The following FAM169A variants were observed in gnomAD, a reference collection of about 807,000 sequenced individuals.
FAM169A encodes the protein family with sequence similarity 169 member A.
FAM169A carries 24 observed loss-of-function variants against 75.7 expected under a neutral mutation model. The observed-to-expected ratio is 0.32, with a 90% CI of 0.23 to 0.45. The LOEUF is 0.45. FAM169A is among the 20% of genes least tolerant of loss of function. The pLI is 1.00. For missense variants in FAM169A, 673 were observed against 784.0 expected, an observed-to-expected ratio of 0.86 and a Z score of 1.69; for synonymous variants, 271 against 271.0, an observed-to-expected ratio of 1.00 and a Z score of 0.00.
chr5:74,794,914 A>C (rs1746189458), intron 11 of FAM169A, among the ~76,000 whole-genome samples: 1 of 152,158 alleles, frequency 6.6e-6, no homozygotes, highest in South Asian at 2.1e-4. Flanking sequence ...GACATAACAT[A>C]TGTCATTTCA....
chr5:74,842,456 A>G (rs1451765518), intron 1 of FAM169A, among the ~76,000 whole-genome samples: 130 of 126,244 alleles, frequency 1.0e-3, no homozygotes, highest in African/African-American at 3.8e-3. Flanking sequence ...AAAAAAAAAA[A>G]TCACTGAATT....
At chr5:74,833,905 C>A (rs1474016839) in intron 5 of FAM169A, among the ~76,000 whole-genome samples, 2 of 152,086 alleles carry the variant, frequency 1.3e-5, no homozygotes, top group Non-Finnish European at 2.9e-5. Context: ...GATCAGAAAC[C>A]CAAACTTTAG....
At position 74,781,330 on chromosome 5, in the gene FAM169A, T is replaced by A; in HGVS notation, c.*130A>T. ...TTCTAAAGGGAAGCAAAAAACTGCATAGTAAGTAAGTTCAAATTGAAATTT... is the reference window on the plus strand; with the variant it reads ...TTCTAAAGGGAAGCAAAAAACTGCAAAGTAAGTAAGTTCAAATTGAAATTT... On this transcript the variant is annotated 3_prime_UTR_variant, in exon 13 of 13. Transcript: ENST00000687041. 1.3e-6 allele frequency: 1 copy of A among 778,884 alleles called. No individual in the cohort carries two copies. Among genetic ancestry groups the A allele is most frequent in the East Asian group, 2.5e-5 (1 of 40,158 alleles). The allele number at this position is 778,884 out of a possible 1,614,324, so 48.2% of individuals were successfully genotyped here. A position where few individuals can be genotyped will look rare whatever the true frequency, so the allele number is the denominator to read the frequency against.
upstream of FAM169A, chr5:74,866,835 C>T: frequency 7.1e-6 from 7 of 985,582 alleles, no homozygotes; most frequent in Non-Finnish European, 8.4e-6. Context: ...GTGGGCGCGG[C>T]CATCCCGGCC....
chr5:74,803,450 C>T (rs1305561325), intron 8 of FAM169A, among the ~76,000 whole-genome samples: 1 of 152,126 alleles, frequency 6.6e-6, no homozygotes, highest in African/African-American at 2.4e-5. Context: ...ATAGTCAACT[C>T]TCATGCTAAT....
At chr5:74,815,180 A>AT (rs1455896917) in intron 5 of FAM169A, among the ~76,000 whole-genome samples, 3 of 142,238 alleles carry the variant, frequency 2.1e-5, no homozygotes, top group South Asian at 4.4e-4. Context: ...AGATATTTTT[A>AT]TTTTTTTTCT....
At chr5:74,797,148 C>T (rs182524094) in intron 10 of FAM169A, among the ~76,000 whole-genome samples, 43 of 152,160 alleles carry the variant, frequency 2.8e-4, no homozygotes, top group African/African-American at 1.0e-3. Context: ...ATAAAGTGTA[C>T]CTTCTTTGAA....
chr5:74,789,897 G>A (rs1745887810), intron 11 of FAM169A, among the ~76,000 whole-genome samples: 1 of 152,198 alleles, frequency 6.6e-6, no homozygotes, highest in Non-Finnish European at 1.5e-5. Flanking sequence ...GCCTGTTACT[G>A]GGCTTTGGTA....
chr5:74,792,608 T>TA (rs1439547710), intron 11 of FAM169A, among the ~76,000 whole-genome samples: 1 of 152,164 alleles, frequency 6.6e-6, no homozygotes, highest in Non-Finnish European at 1.5e-5. Flanking sequence ...AACCCCTTAA[T>TA]AAACTCCCCT....
intron 5 of FAM169A, among the ~76,000 whole-genome samples, chr5:74,816,049 T>C (rs1747452495): frequency 6.6e-6 from 1 of 152,220 alleles, no homozygotes; most frequent in Non-Finnish European, 1.5e-5. Context: ...CCCTGAATTC[T>C]TTCTTGTGCA....
chr5:74,866,255 C>G lies in FAM169A; in HGVS notation c.-94G>C, dbSNP rs989946459. On this transcript the variant is annotated 5_prime_UTR_variant, in exon 1 of 13. Coordinates refer to ENST00000687041, the MANE Select transcript of FAM169A (RefSeq NM_001376049.1). ...GAGCCGGCGGCTGCTCGCTGGCGAC[C>G]TCCGGCCGGTCCCAGGCCGCACAGC... 1 of 983,826 alleles carries G rather than the reference C, an allele frequency of 1.0e-6. No individual in the cohort carries two copies. The highest frequency in any genetic ancestry group is 1.2e-6 in the Non-Finnish European group (1 of 829,246). The allele number at this position is 983,826 out of a possible 1,614,324, so 60.9% of individuals were successfully genotyped here. A position where few individuals can be genotyped will look rare whatever the true frequency, so the allele number is the denominator to read the frequency against.
rs547559872 is a variant in FAM169A, at chr5:74,859,478, C to T, written c.-4+6687G>A. On this transcript the variant is annotated intron_variant, in intron 1 of 12. Coordinates refer to ENST00000687041, the MANE Select transcript of FAM169A (RefSeq NM_001376049.1). ...CTAATTTTTGTATTTTTAGTAGAGA[C>T]GGGATTTCACCATGTTGGTCAGGCT... 2.6e-5 allele frequency among the ~76,000 whole-genome samples: 4 copies of T among 151,684 alleles called. No homozygotes were observed. In the South Asian group the frequency reaches 6.2e-4, roughly 24 times the overall value.
At chr5:74,795,597 A>T (rs890971748) in intron 11 of FAM169A, among the ~76,000 whole-genome samples, 13 of 152,054 alleles carry the variant, frequency 8.5e-5, no homozygotes, top group Non-Finnish European at 1.5e-4. Flanking sequence ...CAGTCATCAA[A>T]TTTTTTTTCT....
intron 1 of FAM169A, among the ~76,000 whole-genome samples, chr5:74,854,736 C>G (rs1163818340): frequency 6.6e-6 from 1 of 152,192 alleles, no homozygotes; most frequent in Non-Finnish European, 1.5e-5. Flanking sequence ...GCTTATTTTA[C>G]TTAACATAAT....
intron 1 of FAM169A, among the ~76,000 whole-genome samples, chr5:74,850,260 G>T (rs7728889): frequency 6.6e-6 from 1 of 152,056 alleles, no homozygotes; most frequent in Non-Finnish European, 1.5e-5. Flanking sequence ...CCCGGCAGTC[G>T]GACTCCGATG....
intron 1 of FAM169A, among the ~76,000 whole-genome samples, chr5:74,864,161 A>G (rs1468289511): frequency 6.6e-6 from 1 of 152,246 alleles, no homozygotes; most frequent in Non-Finnish European, 1.5e-5. Flanking sequence ...TTAATTTAAT[A>G]AGGAGGATGG....
intron 1 of FAM169A, among the ~76,000 whole-genome samples, chr5:74,842,413 T>A (rs1748917825): frequency 1.6e-5 from 1 of 62,010 alleles, no homozygotes; most frequent in Non-Finnish European, 2.8e-5. Context: ...AGAGTGAGAC[T>A]CTATCACAAA....
At chr5:74,803,224 C>T (rs550275280) in intron 8 of FAM169A, among the ~76,000 whole-genome samples, 2 of 152,144 alleles carry the variant, frequency 1.3e-5, no homozygotes, top group East Asian at 1.9e-4. Context: ...TCATTGCTCT[C>T]GTTACATTTA....
chr5:74,815,310 C>T (rs1281281723), intron 5 of FAM169A, among the ~76,000 whole-genome samples: 5 of 151,956 alleles, frequency 3.3e-5, no homozygotes, highest in Admixed American at 3.3e-4. Context: ...CTGCCTCAGC[C>T]TCCCAAGTAG....
Sources: allele counts gnomAD v4.1 joint callset (sites outside exome capture counted in the v4.1 genomes callset), GRCh38; gene constraint gnomAD v4.1.1; transcripts MANE v1.5; gene names NCBI Gene and HGNC (gene_info 2026-07-23, HGNC 2026-07-21).